DAB2IP: variants seen among roughly 807,000 people sequenced by gnomAD.
The protein encoded by DAB2IP is disabled homolog 2-interacting protein.
In DAB2IP, 28 loss-of-function variants were observed where a neutral mutation model predicts 107.2. The ratio of observed to expected loss-of-function variants is 0.26; its 90% confidence interval spans 0.19 to 0.36. DAB2IP has a LOEUF of 0.36. Ranked by LOEUF, DAB2IP falls within the 10% of genes least tolerant of loss-of-function variation. The pLI, the probability that DAB2IP is intolerant of heterozygous loss-of-function variation, is 1.00. For synonymous variants in DAB2IP, 755 were observed against 706.4 expected (o/e 1.07, Z -1.09); for missense variants, 1,400 against 1,644.7 (o/e 0.85, Z 2.57).
chr9:121,572,195 C>T (rs1055143018), intron 1 of DAB2IP, among the ~76,000 whole-genome samples: 2 of 152,128 alleles, frequency 1.3e-5, no homozygotes, highest in African/African-American at 2.4e-5. Flanking sequence ...TATTTCTCCA[C>T]TTCGTGGGTA....
exon 1 of DAB2IP, chr9:121,567,197 C>G (rs779359789): frequency 6.2e-6 from 10 of 1,613,858 alleles, no homozygotes; most frequent in African/African-American, 2.7e-5. Flanking sequence ...CCATGGAGCC[C>G]GACTCCCTTC....
chr9:121,585,777 C>A (rs780220329), intron 1 of DAB2IP, among the ~76,000 whole-genome samples: 7 of 151,878 alleles, frequency 4.6e-5, no homozygotes, highest in Non-Finnish European at 1.0e-4. Context: ...TCACATGAGA[C>A]CAGGAAGCAG....
rs534471313 is a variant in DAB2IP, at chr9:121,763,003, G to A, written c.1171-502G>A. Among the ~76,000 whole-genome samples, 136 of 152,278 alleles carry A rather than the reference G, an allele frequency of 8.9e-4. 1 individual carries two copies. The highest frequency in any genetic ancestry group is 3.4e-3 in the Middle Eastern group (1 of 294). ...GAGCATGGTGGCTCACGACCTCCCCGGGCAGTGGGGCTGCACAGAAGGCAT... is the reference window on the plus strand; with the variant it reads ...GAGCATGGTGGCTCACGACCTCCCCAGGCAGTGGGGCTGCACAGAAGGCAT... On this transcript the variant is annotated intron_variant, in intron 6 of 15. Transcript: ENST00000408936.
At chr9:121,731,310 A>C (rs2118852267) in intron 3 of DAB2IP, among the ~76,000 whole-genome samples, 1 of 152,276 alleles carries the variant, frequency 6.6e-6, no homozygotes, top group Middle Eastern at 3.4e-3. Context: ...CACATCTGTA[A>C]AATGGGAACA....
intron 8 of DAB2IP, among the ~76,000 whole-genome samples, chr9:121,766,264 C>T (rs953436478): frequency 2.0e-5 from 3 of 152,230 alleles, no homozygotes; most frequent in Non-Finnish European, 2.9e-5. Context: ...ACCCACTGCC[C>T]GATGGGAGCC....
chr9:121,593,356 C>A (rs1401833140), intron 1 of DAB2IP, among the ~76,000 whole-genome samples: 4 of 152,178 alleles, frequency 2.6e-5, no homozygotes, highest in African/African-American at 9.7e-5. Flanking sequence ...TAGCCTTGAC[C>A]TCCTGGGCTC....
chr9:121,713,543 C>T (rs1422038635), intron 3 of DAB2IP, among the ~76,000 whole-genome samples: 2 of 152,158 alleles, frequency 1.3e-5, no homozygotes, highest in African/African-American at 2.4e-5. Flanking sequence ...GTTTGAGGTG[C>T]CCCAGAAACT....
chr9:121,657,962 T>C (rs1196930602), intron 1 of DAB2IP, among the ~76,000 whole-genome samples: 1 of 152,180 alleles, frequency 6.6e-6, no homozygotes. Flanking sequence ...CCTAAAGATG[T>C]TAACGAGAAA....
intron 3 of DAB2IP, among the ~76,000 whole-genome samples, chr9:121,732,550 G>T (rs1014618171): frequency 6.6e-6 from 1 of 152,148 alleles, no homozygotes. Flanking sequence ...TGAATAGGTG[G>T]TGAGGAGGAA....
At chr9:121,636,960 G>T (rs1832111213) in intron 1 of DAB2IP, among the ~76,000 whole-genome samples, 1 of 152,180 alleles carries the variant, frequency 6.6e-6, no homozygotes, top group South Asian at 2.1e-4. Context: ...AGAACCCCCA[G>T]GGGTAGGATT....
rs1835216986 is a variant in DAB2IP at position 121,776,595 on chromosome 9, A to T, written c.3314+204A>T. Reference sequence around the variant, plus strand: ...CCTGGAGGGTGGGCAGCCCATGCAGAATACAAAGCTGGGGATGAGGCTGGA... The same window carrying T: ...CCTGGAGGGTGGGCAGCCCATGCAGTATACAAAGCTGGGGATGAGGCTGGA... On this transcript the variant is annotated intron_variant, in intron 14 of 15. Coordinates refer to ENST00000408936, the Ensembl canonical transcript of DAB2IP. The surrounding 1 kb of genome is among the most constrained non-coding windows in gnomAD (Gnocchi z 5.4). Among the ~76,000 whole-genome samples, 1 of 152,130 alleles carries T rather than the reference A, an allele frequency of 6.6e-6. No homozygotes were observed. Among genetic ancestry groups the T allele is most frequent in the South Asian group, 2.1e-4 (1 of 4,810 alleles).
intron 1 of DAB2IP, among the ~76,000 whole-genome samples, chr9:121,571,634 C>A (rs1333009975): frequency 6.6e-6 from 1 of 152,098 alleles, no homozygotes; most frequent in Non-Finnish European, 1.5e-5. Context: ...CTAGTGAAGA[C>A]CCCAGTTCTG....
rs1203387123 is a variant in DAB2IP at position 121,699,254 on chromosome 9, G to C, written c.229-71G>C. On this transcript the variant is annotated intron_variant, in intron 2 of 15. Transcript: ENST00000408936. The surrounding 1 kb of genome is among the most constrained non-coding windows in gnomAD (Gnocchi z 6.2). Reference sequence around the variant, plus strand: ...GCCGCCCAGCAAGGGTGCGGGTCCCGCGCGGGTCCCGGCCCGCCGCCGCCG... The same window carrying C: ...GCCGCCCAGCAAGGGTGCGGGTCCCCCGCGGGTCCCGGCCCGCCGCCGCCG... 2.5e-6 allele frequency: 3 copies of C among 1,180,602 alleles called. No individual in the cohort carries two copies. Among genetic ancestry groups the C allele is most frequent in the Admixed American group, 3.8e-5 (1 of 26,094 alleles). 73.1% of individuals were successfully genotyped at this position (1,180,602 alleles called of 1,614,324 possible).
chr9:121,759,787 GCTC>G, intron 5 of DAB2IP, 95 bp from the exon 6 acceptor site: 1 of 1,140,354 alleles, frequency 8.8e-7, no homozygotes. Context: ...CACCTTCAGA[GCTC>G]CTCCTGGGTC....
rs1834278086 is a variant in DAB2IP at position 121,766,357 on chromosome 9, C to G, written c.1461-137C>G. On this transcript the variant is annotated intron_variant, in intron 8 of 15. Coordinates refer to ENST00000408936, the Ensembl canonical transcript of DAB2IP. ...TGCTCTCCCCAGATGGCTGTGTCCT[C>G]AGAGCTCAGACAGCGGGGCTGACCT... is the stretch of plus-strand genomic sequence containing the variant. 6 of 765,822 alleles carry G rather than the reference C, an allele frequency of 7.8e-6. No individual in the cohort carries two copies. The Admixed American group carries it at 1.2e-4, about 15-fold the overall frequency. The allele number at this position is 765,822 out of a possible 1,614,324, so 47.4% of individuals were successfully genotyped here. A position where few individuals can be genotyped will look rare whatever the true frequency, so the allele number is the denominator to read the frequency against.
chr9:121,773,179 G>C lies in DAB2IP; in HGVS notation c.2651G>C (p.Arg884Pro). ...AGCACTGCCGCGGAGGAGCTGGCTC[G>C]GCGGCCCGGTGAGCTGGCACGGCGA... The change falls in exon 12 of 16, where the codon CGG (arginine) becomes CCG (proline). Residue 884 changes from arginine (R) to proline (P), a missense_variant. Transcript: ENST00000408936. The C allele has an allele frequency of 3.1e-6, 5 of 1,595,550 alleles. No homozygotes were observed. The highest frequency in any genetic ancestry group is 3.4e-6 in the Non-Finnish European group (4 of 1,172,626).
chr9:121,690,322 T>C (rs915654583), intron 2 of DAB2IP, among the ~76,000 whole-genome samples: 2 of 151,952 alleles, frequency 1.3e-5, no homozygotes, highest in Admixed American at 1.3e-4. Flanking sequence ...GGGACCTCAG[T>C]GATAGGACGT....
intron 1 of DAB2IP, among the ~76,000 whole-genome samples, chr9:121,589,916 CTCCCTTCCCT>C (rs145754287): frequency 0.013 from 1,185 of 93,244 alleles, 32 homozygotes; most frequent in African/African-American, 0.026. Context: ...CCCAGTCCTG[CTCCCTTCCCT>C]TCCCTTCCCT....
chr9:121,652,045 C>G (rs1484073833), intron 1 of DAB2IP, 146 bp downstream of exon 1: 1 of 715,168 alleles, frequency 1.4e-6, no homozygotes, highest in Non-Finnish European at 2.0e-6. Flanking sequence ...TGCCGGACCC[C>G]CCATTCCCCC....
Sources: allele counts gnomAD v4.1 joint callset (sites outside exome capture counted in the v4.1 genomes callset), GRCh38; gene constraint gnomAD v4.1.1; non-coding constraint Gnocchi (gnomAD v3.1); transcripts MANE v1.5; gene names NCBI Gene and HGNC (gene_info 2026-07-23, HGNC 2026-07-21).